The following JARID2 variants were observed in gnomAD, a reference collection of about 807,000 sequenced individuals.
JARID2 encodes the protein jumonji and AT-rich interaction domain containing 2, also known as protein Jumonji.
In JARID2, 21 loss-of-function variants were observed where a neutral mutation model predicts 125.6. That is an observed-to-expected ratio of 0.17 (90% CI 0.12 to 0.24). The LOEUF is 0.24. Ranked by LOEUF, JARID2 falls within the 10% of genes least tolerant of loss-of-function variation. The probability of loss-of-function intolerance (pLI) is 1.00; values close to 1 mark genes in which losing one functional copy is unlikely to be tolerated. For missense variants in JARID2, 1,303 were observed against 1,639.6 expected (o/e 0.79, Z 3.55); for synonymous variants, 736 against 661.6 (o/e 1.11, Z -1.73).
At chr6:15,501,616 AT>A (rs1398980034) in intron 8 of JARID2, among the ~76,000 whole-genome samples, 1 of 152,128 alleles carries the variant, frequency 6.6e-6, no homozygotes, top group African/African-American at 2.4e-5. Flanking sequence ...ATAAACAGAA[AT>A]GTACTGGCTC....
chr6:15,289,540 T>C (rs989681644), intron 1 of JARID2, among the ~76,000 whole-genome samples: 5 of 149,460 alleles, frequency 3.3e-5, no homozygotes, highest in Admixed American at 2.6e-4. Flanking sequence ...CCCTTCTTAC[T>C]CTTTAAATTG....
chr6:15,273,217 G>GCTA (rs1269046304), intron 1 of JARID2, among the ~76,000 whole-genome samples: 2 of 152,114 alleles, frequency 1.3e-5, no homozygotes, highest in African/African-American at 2.4e-5. Flanking sequence ...AAATACCTGA[G>GCTA]TTTTATTTGT....
At chr6:15,349,377 G>A (rs1375473577) in intron 1 of JARID2, among the ~76,000 whole-genome samples, 1 of 152,156 alleles carries the variant, frequency 6.6e-6, no homozygotes. Flanking sequence ...AATTAGTTAC[G>A]TGTGTGAAGT....
chr6:15,252,149 A>G (rs1485346311), intron 1 of JARID2, among the ~76,000 whole-genome samples: 6 of 152,222 alleles, frequency 3.9e-5, no homozygotes, highest in African/African-American at 1.2e-4. Flanking sequence ...ACCAAACTTC[A>G]GTTATGCCCA....
At chr6:15,456,381 A>C (rs536375144) in intron 4 of JARID2, among the ~76,000 whole-genome samples, 1 of 152,350 alleles carries the variant, frequency 6.6e-6, no homozygotes, top group East Asian at 1.9e-4. Context: ...AAAAGGCTTA[A>C]ATAATTAAAG....
At chr6:15,337,143 C>T (rs914671717) in intron 1 of JARID2, among the ~76,000 whole-genome samples, 4 of 152,166 alleles carry the variant, frequency 2.6e-5, no homozygotes, top group African/African-American at 9.7e-5. Flanking sequence ...TGCTTCCCTT[C>T]ATGCAGTTTT....
intron 1 of JARID2, among the ~76,000 whole-genome samples, chr6:15,372,131 T>A (rs1764194147): frequency 6.6e-6 from 1 of 152,116 alleles, no homozygotes; most frequent in African/African-American, 2.4e-5. Context: ...TTATGCAGAG[T>A]ATAGGAACGT....
At chr6:15,478,803 G>A (rs1299304417) in intron 5 of JARID2, among the ~76,000 whole-genome samples, 1 of 151,914 alleles carries the variant, frequency 6.6e-6, no homozygotes, top group Non-Finnish European at 1.5e-5. Flanking sequence ...CTGAGTAGCT[G>A]GGATTACAGG....
At chr6:15,265,343 G>T (rs2127338871) in intron 1 of JARID2, among the ~76,000 whole-genome samples, 1 of 147,326 alleles carries the variant, frequency 6.8e-6, no homozygotes, top group East Asian at 2.0e-4. Flanking sequence ...CTGTAGTTCT[G>T]CATCCCAAAC....
intron 1 of JARID2, among the ~76,000 whole-genome samples, chr6:15,273,567 GGC>G (rs942698752): frequency 2.6e-5 from 4 of 152,210 alleles, no homozygotes; most frequent in African/African-American, 9.7e-5. Context: ...TGGGCATGGT[GGC>G]GCATGCCTGT....
At chr6:15,436,451 T>C (rs770876026) in intron 3 of JARID2, among the ~76,000 whole-genome samples, 5 of 152,172 alleles carry the variant, frequency 3.3e-5, no homozygotes, top group Non-Finnish European at 7.3e-5. Flanking sequence ...TCCAGCAGCT[T>C]GTGTCTATGT....
At chr6:15,337,101 C>G (rs1400241980) in intron 1 of JARID2, among the ~76,000 whole-genome samples, 1 of 152,104 alleles carries the variant, frequency 6.6e-6, no homozygotes, top group African/African-American at 2.4e-5. Context: ...CTTCCAAAAC[C>G]CTGCCATCTC....
intron 1 of JARID2, among the ~76,000 whole-genome samples, chr6:15,335,819 A>G (rs1762857959): frequency 6.6e-6 from 1 of 152,156 alleles, no homozygotes; most frequent in South Asian, 2.1e-4. Flanking sequence ...CCCCTTTGGC[A>G]TGATGGCTTA....
chr6:15,254,933 T>C (rs1759599673), intron 1 of JARID2, among the ~76,000 whole-genome samples: 1 of 151,458 alleles, frequency 6.6e-6, no homozygotes, highest in Non-Finnish European at 1.5e-5. Flanking sequence ...TCCCAGCTAC[T>C]TGGAAGGCCG....
chr6:15,258,052 G>C (rs1000695560), intron 1 of JARID2, among the ~76,000 whole-genome samples: 1 of 152,178 alleles, frequency 6.6e-6, no homozygotes, highest in East Asian at 1.9e-4. Flanking sequence ...AGATACTTAA[G>C]TAATAAAGAT....
chr6:15,520,537 C>CTTTTT lies in JARID2; in HGVS notation c.*291_*295dup, dbSNP rs201309875. On this transcript the variant is annotated 3_prime_UTR_variant, in exon 18 of 18. Transcript: ENST00000341776. ...GTATTGCCCCATGGCTGACAAAAGC[C>CTTTTT]TTTTTTTTTGGTTTTGATTTTTTTT... The CTTTTT allele has an allele frequency of 4.3e-5, 15 of 347,594 alleles. No individual in the cohort carries two copies. The highest frequency in any genetic ancestry group is 3.2e-4 in the African/African-American group (15 of 46,200). The allele number at this position is 347,594 out of a possible 1,614,324, so 21.5% of individuals were successfully genotyped here.
rs575542374 is a variant in JARID2, at chr6:15,386,056, T to TA, written c.181+11811dup. Among the ~76,000 whole-genome samples, 25 of 152,294 alleles carry TA rather than the reference T, an allele frequency of 1.6e-4. 1 individual carries two copies. Among genetic ancestry groups the TA allele is most frequent in the South Asian group, 1.2e-3 (6 of 4,822 alleles). ...TTACAATTGGGCTTTTAAGAAAAAG[T>TA]AAAAAAATTATGTCTCTTAATTCTC... On this transcript the variant is annotated intron_variant, in intron 2 of 17. Transcript: ENST00000341776.
chr6:15,450,722 T>G (rs1048881779), intron 3 of JARID2, among the ~76,000 whole-genome samples: 66 of 152,354 alleles, frequency 4.3e-4, no homozygotes, highest in African/African-American at 1.3e-3. Flanking sequence ...TGGAGACCTT[T>G]ACGATTAGAG....
rs538086520 is a variant in JARID2 at position 15,370,798 on chromosome 6, G to C, written c.46-3319G>C. 2.0e-5 allele frequency among the ~76,000 whole-genome samples: 3 copies of C among 152,264 alleles called. No individual in the cohort carries two copies. The South Asian group carries it at 6.2e-4, about 32-fold the overall frequency. On this transcript the variant is annotated intron_variant, in intron 1 of 17. Transcript: ENST00000341776. ...GAGTGCAGGCACACCTTTGCTGTCT[G>C]CATCTGGGATTCTGCTAGAGGATTA... is the stretch of plus-strand genomic sequence containing the variant.
Sources: allele counts gnomAD v4.1 joint callset (sites outside exome capture counted in the v4.1 genomes callset), GRCh38; gene constraint gnomAD v4.1.1; transcripts MANE v1.5; gene names NCBI Gene and HGNC (gene_info 2026-07-23, HGNC 2026-07-21).